LRP1B: variants seen among roughly 807,000 people sequenced by gnomAD.
LRP1B encodes the protein low-density lipoprotein receptor-related protein 1B.
Under a neutral mutation model 556.6 loss-of-function variants are expected in LRP1B, and 217 were observed. The ratio of observed to expected loss-of-function variants is 0.39; its 90% CI spans 0.35 to 0.44. The LOEUF (loss-of-function observed/expected upper bound fraction) is 0.44. LRP1B is among the 20% of genes least tolerant of loss of function. The probability of loss-of-function intolerance (pLI) is 1.00; values close to 1 mark genes in which losing one functional copy is unlikely to be tolerated. For missense variants in LRP1B, 5,053 were observed against 5,620.8 expected (o/e 0.90, Z 3.23); for synonymous variants, 2,047 against 1,865.8 (o/e 1.10, Z -2.50).
At chr2:141,725,404 T>C (rs1169509902) in intron 2 of LRP1B, among the ~76,000 whole-genome samples, 1 of 151,920 alleles carries the variant, frequency 6.6e-6, no homozygotes, top group Non-Finnish European at 1.5e-5. Flanking sequence ...AAATGCTCAC[T>C]GATTAAAAGG....
At chr2:142,064,805 A>G (rs1705047364) in intron 1 of LRP1B, among the ~76,000 whole-genome samples, 1 of 151,664 alleles carries the variant, frequency 6.6e-6, no homozygotes, top group Admixed American at 6.6e-5. Flanking sequence ...GATAAAATAA[A>G]AAAGAAGTAT....
intron 2 of LRP1B, among the ~76,000 whole-genome samples, chr2:141,748,041 A>G (rs1407359371): frequency 1.3e-5 from 2 of 152,150 alleles, no homozygotes; most frequent in Non-Finnish European, 2.9e-5. Flanking sequence ...ATCATCCTAA[A>G]CTATGAAAGG....
chr2:140,413,684 C>T (rs35241715), intron 66 of LRP1B, among the ~76,000 whole-genome samples: 20,144 of 152,118 alleles, frequency 0.13, 1,408 homozygotes, highest in African/African-American at 0.18. Flanking sequence ...AACCATCTAG[C>T]TATCATATCA....
At chr2:140,441,641 C>A (rs185292502) in intron 66 of LRP1B, among the ~76,000 whole-genome samples, 1 of 152,124 alleles carries the variant, frequency 6.6e-6, no homozygotes, top group Admixed American at 6.6e-5. Context: ...CATAAAAGTT[C>A]AATGAAAGTA....
intron 41 of LRP1B, among the ~76,000 whole-genome samples, chr2:140,657,049 C>CTA (rs1475236705): frequency 2.0e-5 from 3 of 152,046 alleles, no homozygotes; most frequent in Non-Finnish European, 4.4e-5. Flanking sequence ...TACAGAGCTT[C>CTA]TATATATACC....
chr2:141,812,813 G>A (rs1321327056), intron 1 of LRP1B, among the ~76,000 whole-genome samples: 1 of 152,088 alleles, frequency 6.6e-6, no homozygotes, highest in Non-Finnish European at 1.5e-5. Context: ...TGAAGACTCT[G>A]ATCCAAGTGA....
At chr2:141,029,594 T>C (rs1385019276) in intron 11 of LRP1B, among the ~76,000 whole-genome samples, 2 of 152,268 alleles carry the variant, frequency 1.3e-5, no homozygotes, top group Admixed American at 1.3e-4. Flanking sequence ...TGCTGATCTC[T>C]AGGCCCTGGG....
intron 7 of LRP1B, among the ~76,000 whole-genome samples, chr2:141,185,270 T>C (rs554138563): frequency 6.6e-6 from 1 of 152,148 alleles, no homozygotes; most frequent in African/African-American, 2.4e-5. Context: ...GGAGCCAGGA[T>C]TTGATCTCAG....
intron 1 of LRP1B, among the ~76,000 whole-genome samples, chr2:141,943,484 C>T (rs1427232498): frequency 6.6e-6 from 1 of 152,142 alleles, no homozygotes; most frequent in Non-Finnish European, 1.5e-5. Context: ...CTATTCTTTA[C>T]ATAGGCACTA....
intron 18 of LRP1B, among the ~76,000 whole-genome samples, chr2:140,966,857 G>A (rs1016791967): frequency 1.2e-4 from 18 of 152,114 alleles, no homozygotes; most frequent in African/African-American, 4.3e-4. Flanking sequence ...GGTTGTAGAT[G>A]TGTGGTATTA....
At chr2:141,380,493 A>G (rs1427152672) in intron 3 of LRP1B, among the ~76,000 whole-genome samples, 1 of 152,156 alleles carries the variant, frequency 6.6e-6, no homozygotes. Flanking sequence ...TGGATTATAC[A>G]TCTGCCTCCT....
At chr2:141,742,427 T>C (rs1414331354) in intron 2 of LRP1B, among the ~76,000 whole-genome samples, 1 of 151,964 alleles carries the variant, frequency 6.6e-6, no homozygotes, top group Non-Finnish European at 1.5e-5. Context: ...AATTTTTTTG[T>C]CTTTTTAGTA....
rs533577788 is a variant in LRP1B, at chr2:141,926,659, A to G, written c.83-116258T>C. Among the ~76,000 whole-genome samples, 10 of 152,280 alleles carry G rather than the reference A, an allele frequency of 6.6e-5. No individual in the cohort carries two copies. The South Asian group carries it at 2.1e-3, about 32-fold the overall frequency. ...GCATCTACTTTGAAGCAAAGTTCACATATTGCTGTTTATTCTACAGACAAT... is the reference window on the plus strand; with the variant it reads ...GCATCTACTTTGAAGCAAAGTTCACGTATTGCTGTTTATTCTACAGACAAT... On this transcript the variant is annotated intron_variant, in intron 1 of 90. Coordinates refer to ENST00000389484, the MANE Select transcript of LRP1B (RefSeq NM_018557.3).
chr2:141,137,220 G>T (rs748023486), intron 7 of LRP1B, among the ~76,000 whole-genome samples: 4 of 151,928 alleles, frequency 2.6e-5, no homozygotes, highest in African/African-American at 7.2e-5. Flanking sequence ...AGGAACATCG[G>T]CCTAATAGAC....
At chr2:141,237,964 C>T (rs1384947993) in intron 5 of LRP1B, among the ~76,000 whole-genome samples, 1 of 151,960 alleles carries the variant, frequency 6.6e-6, no homozygotes, top group African/African-American at 2.4e-5. Context: ...AGAGACTTTA[C>T]TGAATTAACA....
intron 60 of LRP1B, among the ~76,000 whole-genome samples, chr2:140,466,315 C>A (rs1324900442): frequency 2.6e-5 from 4 of 151,938 alleles, no homozygotes; most frequent in African/African-American, 9.7e-5. Flanking sequence ...ATGCTGAGAT[C>A]TAGATTCCTT....
At chr2:140,926,651 T>C (rs1234579991) in intron 20 of LRP1B, among the ~76,000 whole-genome samples, 3 of 152,178 alleles carry the variant, frequency 2.0e-5, no homozygotes, top group Admixed American at 6.5e-5. Flanking sequence ...CTAATGTCCA[T>C]GATTTTTAGG....
At chr2:141,340,598 C>T (rs1164522863) in intron 3 of LRP1B, among the ~76,000 whole-genome samples, 1 of 152,132 alleles carries the variant, frequency 6.6e-6, no homozygotes, top group Non-Finnish European at 1.5e-5. Context: ...TCATGTAGTA[C>T]TTCACTAATT....
intron 2 of LRP1B, among the ~76,000 whole-genome samples, chr2:141,690,620 T>C (rs1051210035): frequency 6.6e-6 from 1 of 150,762 alleles, no homozygotes. Context: ...CTGACATCAA[T>C]AACTAGGGAT....
Sources: allele counts gnomAD v4.1 joint callset (sites outside exome capture counted in the v4.1 genomes callset), GRCh38; gene constraint gnomAD v4.1.1; transcripts MANE v1.5; gene names NCBI Gene and HGNC (gene_info 2026-07-23, HGNC 2026-07-21).